Variants in ZBTB20 observed in about 807,000 individuals in gnomAD.
ZBTB20 encodes the protein zinc finger and BTB domain-containing protein 20.
In ZBTB20, 9 loss-of-function variants were observed where a neutral mutation model predicts 56.9. The observed-to-expected ratio is 0.16, with a 90% CI of 0.10 to 0.28. The LOEUF (loss-of-function observed/expected upper bound fraction) is 0.28. Among genes scored for constraint, ZBTB20 ranks in the 10% least tolerant of loss-of-function variants. ZBTB20 has a pLI of 1.00. For synonymous variants in ZBTB20, 417 were observed against 420.7 expected (o/e 0.99, Z 0.11); for missense variants, 655 against 1,003.0 (o/e 0.65, Z 4.69).
rs545645907 is a variant in ZBTB20, at chr3:115,034,215, A to C, written c.-507+37004T>G. Among the ~76,000 whole-genome samples, 3 of 151,884 alleles carry C rather than the reference A, an allele frequency of 2.0e-5. No individual in the cohort carries two copies. The South Asian group carries it at 6.2e-4, about 31-fold the overall frequency. Reference sequence around the variant, plus strand: ...CAAGTACTATTCCACATAATACTGAAAGTCCTAGTCAGAGCAGTTAATTAG... The same window carrying C: ...CAAGTACTATTCCACATAATACTGACAGTCCTAGTCAGAGCAGTTAATTAG... On this transcript the variant is annotated intron_variant, in intron 2 of 11. Coordinates refer to ENST00000675478, the MANE Select transcript of ZBTB20 (RefSeq NM_001348800.3).
chr3:114,539,334 G>C (rs907345776), intron 6 of ZBTB20, among the ~76,000 whole-genome samples: 2 of 151,990 alleles, frequency 1.3e-5, no homozygotes, highest in Non-Finnish European at 2.9e-5. Context: ...GTTTAGTTCT[G>C]AATCACCCAT....
chr3:114,729,105 C>T (rs879735225), intron 5 of ZBTB20, among the ~76,000 whole-genome samples: 1 of 152,086 alleles, frequency 6.6e-6, no homozygotes, highest in Non-Finnish European at 1.5e-5. Flanking sequence ...AAACTGACTC[C>T]AGCTACCCAT....
At chr3:114,923,905 A>G in intron 3 of ZBTB20, among the ~76,000 whole-genome samples, 1 of 152,180 alleles carries the variant, frequency 6.6e-6, no homozygotes, top group East Asian at 1.9e-4. Context: ...TAAAAATAGG[A>G]AAAAGGCCTG....
intron 6 of ZBTB20, among the ~76,000 whole-genome samples, chr3:114,557,357 A>G (rs958898021): frequency 7.9e-5 from 12 of 151,960 alleles, no homozygotes; most frequent in Non-Finnish European, 1.6e-4. Flanking sequence ...CTATTATAGA[A>G]TTTTTCAACT....
At chr3:114,522,352 G>A (rs890422261) in intron 6 of ZBTB20, among the ~76,000 whole-genome samples, 1 of 152,138 alleles carries the variant, frequency 6.6e-6, no homozygotes, top group East Asian at 1.9e-4. Flanking sequence ...GTTGAGGGGA[G>A]TGAGCTAGGG....
chr3:114,824,459 G>A (rs2073414803), intron 4 of ZBTB20, among the ~76,000 whole-genome samples: 1 of 151,912 alleles, frequency 6.6e-6, no homozygotes, highest in Non-Finnish European at 1.5e-5. Flanking sequence ...TGTCACTCAA[G>A]AGGCTTTTTT....
chr3:114,763,568 T>C (rs924843087), intron 5 of ZBTB20, among the ~76,000 whole-genome samples: 4 of 152,152 alleles, frequency 2.6e-5, no homozygotes, highest in African/African-American at 7.2e-5. Flanking sequence ...CTAACTCTGC[T>C]ACAACCTTAA....
chr3:114,716,067 A>T (rs1472680148), intron 5 of ZBTB20, among the ~76,000 whole-genome samples: 2 of 152,120 alleles, frequency 1.3e-5, no homozygotes, highest in Non-Finnish European at 2.9e-5. Context: ...GTCCCTTTTC[A>T]CACAACAGGA....
rs72943860 is a variant in ZBTB20 at position 115,056,288 on chromosome 3, T to C, written c.-507+14931A>G. Among the ~76,000 whole-genome samples the C allele has an allele frequency of 6.0e-3, 907 of 152,256 alleles. 13 individuals carry two copies. The highest frequency in any genetic ancestry group is 0.021 in the African/African-American group (878 of 41,544). On this transcript the variant is annotated intron_variant, in intron 2 of 11. Coordinates refer to ENST00000675478, the MANE Select transcript of ZBTB20 (RefSeq NM_001348800.3). ...AAAGTCATGGGTATCACTTTTTACC[T>C]TGGCTTAGACTGAAAATGTTTATTA...
intron 1 of ZBTB20, among the ~76,000 whole-genome samples, chr3:115,095,207 T>C (rs756002663): frequency 3.9e-5 from 6 of 152,178 alleles, no homozygotes; most frequent in Non-Finnish European, 8.8e-5. Flanking sequence ...AATATGTTCT[T>C]CTTCCCTCTG....
At chr3:114,427,301 C>T (rs917690167) in intron 7 of ZBTB20, among the ~76,000 whole-genome samples, 1 of 152,170 alleles carries the variant, frequency 6.6e-6, no homozygotes, top group Admixed American at 6.6e-5. Flanking sequence ...GAAGTAGACA[C>T]TAGCAAAGTC....
intron 2 of ZBTB20, among the ~76,000 whole-genome samples, chr3:114,995,157 C>A (rs1466810870): frequency 6.6e-6 from 1 of 151,732 alleles, no homozygotes; most frequent in Non-Finnish European, 1.5e-5. Context: ...GAGTGGTTAC[C>A]TCTAGGGACA....
intron 10 of ZBTB20, chr3:114,379,093 T>A (rs1034375206): frequency 6.6e-6 from 1 of 152,236 alleles, no homozygotes; most frequent in South Asian, 2.1e-4. Flanking sequence ...GAGAATGGAA[T>A]CTCCTGGACC....
intron 2 of ZBTB20, among the ~76,000 whole-genome samples, chr3:115,037,989 C>A (rs1285556922): frequency 6.6e-6 from 1 of 152,176 alleles, no homozygotes; most frequent in African/African-American, 2.4e-5. Context: ...ATAATTAACT[C>A]CATTATCCTT....
chr3:114,836,412 C>G (rs747949746), intron 4 of ZBTB20, among the ~76,000 whole-genome samples: 1 of 152,126 alleles, frequency 6.6e-6, no homozygotes, highest in Non-Finnish European at 1.5e-5. Context: ...AAATGGTTTT[C>G]CAAAGCAAGA....
At chr3:114,515,808 T>A (rs2109859799) in intron 6 of ZBTB20, among the ~76,000 whole-genome samples, 1 of 152,298 alleles carries the variant, frequency 6.6e-6, no homozygotes, top group East Asian at 1.9e-4. Context: ...TCAATTTTCC[T>A]ACTGCCTGCC....
chr3:114,507,655 A>G (rs1235980478), intron 6 of ZBTB20, among the ~76,000 whole-genome samples: 2 of 152,140 alleles, frequency 1.3e-5, no homozygotes, highest in Non-Finnish European at 2.9e-5. Context: ...AAATAGGAAA[A>G]ATCTTCATCT....
At chr3:114,593,097 G>C (rs966092291) in intron 6 of ZBTB20, among the ~76,000 whole-genome samples, 1 of 152,090 alleles carries the variant, frequency 6.6e-6, no homozygotes, top group Non-Finnish European at 1.5e-5. Flanking sequence ...TATCTCAAAG[G>C]CTTATTTTTC....
intron 4 of ZBTB20, among the ~76,000 whole-genome samples, chr3:114,808,819 T>C (rs1489886028): frequency 6.6e-6 from 1 of 152,110 alleles, no homozygotes; most frequent in Non-Finnish European, 1.5e-5. Context: ...TTTTTATCAT[T>C]TCATTTCCAC....
Sources: allele counts gnomAD v4.1 joint callset (sites outside exome capture counted in the v4.1 genomes callset), GRCh38; gene constraint gnomAD v4.1.1; transcripts MANE v1.5; gene names NCBI Gene and HGNC (gene_info 2026-07-23, HGNC 2026-07-21).